PM20D2: variants seen among roughly 807,000 people sequenced by gnomAD.
The protein encoded by PM20D2 is xaa-Arg dipeptidase.
Under a neutral mutation model 42.9 loss-of-function variants are expected in PM20D2, and 33 were observed. That is an observed-to-expected ratio of 0.77 (90% CI 0.58 to 1.03). The LOEUF (loss-of-function observed/expected upper bound fraction) is 1.03. PM20D2 is among the 50% of genes least tolerant of loss of function. The probability of loss-of-function intolerance (pLI) is 0.00; values close to 1 mark genes in which losing one functional copy is unlikely to be tolerated. For missense variants in PM20D2, 548 were observed against 557.0 expected, an observed-to-expected ratio of 0.98 and a Z score of 0.16; for synonymous variants, 250 against 228.2, an observed-to-expected ratio of 1.10 and a Z score of -0.86.
chr6:89,160,541 T>C (rs536337106), intron 5 of PM20D2, among the ~76,000 whole-genome samples: 5 of 152,334 alleles, frequency 3.3e-5, no homozygotes, highest in Non-Finnish European at 5.9e-5. Context: ...TAAATATCCA[T>C]TGAGTGAACA....
At chr6:89,127,245 G>A in the PM20D2 span, among the ~76,000 whole-genome samples, 10 of 152,026 alleles carry the variant, frequency 6.6e-5, no homozygotes, top group Non-Finnish European at 1.0e-4. Context: ...CCAGGCAATG[G>A]CCATAAATGA....
At chr6:89,098,277 T>C in the PM20D2 span, 2 of 252,376 alleles carry the variant, frequency 7.9e-6, no homozygotes, top group South Asian at 6.1e-5. Flanking sequence ...ACTATGCAAG[T>C]AGAATTTTAA....
At chr6:89,157,735 T>C (rs948335518) in intron 4 of PM20D2, among the ~76,000 whole-genome samples, 6 of 152,228 alleles carry the variant, frequency 3.9e-5, no homozygotes, top group Non-Finnish European at 5.9e-5. Context: ...CTGGGTGCAG[T>C]GGCTCATGCC....
chr6:89,156,912 A>G (rs982947203), intron 4 of PM20D2, among the ~76,000 whole-genome samples: 2 of 152,204 alleles, frequency 1.3e-5, no homozygotes, highest in African/African-American at 4.8e-5. Flanking sequence ...TGAAATGTCC[A>G]TAGCTGAGGG....
chr6:89,154,577 A>G (rs1460758497), intron 3 of PM20D2, among the ~76,000 whole-genome samples, 171 bp from the exon 4 acceptor site: 1 of 152,228 alleles, frequency 6.6e-6, no homozygotes. Context: ...CCCTATGTAA[A>G]GAAATTTCAG....
the PM20D2 span, among the ~76,000 whole-genome samples, chr6:89,116,928 TC>T: frequency 2.0e-5 from 3 of 152,142 alleles, no homozygotes; most frequent in African/African-American, 7.2e-5. Context: ...ACTCTTAGTT[TC>T]CGCTCTCCCT....
the PM20D2 span, chr6:89,107,218 T>C: frequency 1.9e-6 from 3 of 1,613,932 alleles, no homozygotes; most frequent in African/African-American, 2.7e-5. Context: ...ACGTCTACTA[T>C]AGGGCCATAT....
chr6:89,101,924 G>A, the PM20D2 span, among the ~76,000 whole-genome samples: 1 of 150,612 alleles, frequency 6.6e-6, no homozygotes, highest in African/African-American at 2.4e-5. Flanking sequence ...TCAGACAAAA[G>A]CTGAGATAAT....
upstream of PM20D2, among the ~76,000 whole-genome samples, chr6:89,145,768 TG>T (rs1170695303): frequency 6.6e-6 from 1 of 152,232 alleles, no homozygotes; most frequent in Non-Finnish European, 1.5e-5. Flanking sequence ...CTGTCTCTGA[TG>T]GCTATTAACT....
intron 2 of PM20D2, among the ~76,000 whole-genome samples, chr6:89,152,205 C>T (rs1256492068): frequency 6.6e-6 from 1 of 152,070 alleles, no homozygotes; most frequent in African/African-American, 2.4e-5. Context: ...TGATTTTTGT[C>T]CTGCTAATAG....
the PM20D2 span, among the ~76,000 whole-genome samples, chr6:89,112,053 G>A: frequency 6.6e-6 from 1 of 152,086 alleles, no homozygotes; most frequent in Non-Finnish European, 1.5e-5. Context: ...TGTTGCCCAG[G>A]CTGGAGTGCA....
chr6:89,125,783 C>CAA, the PM20D2 span, among the ~76,000 whole-genome samples: 188 of 143,326 alleles, frequency 1.3e-3, no homozygotes, highest in Middle Eastern at 0.011. Flanking sequence ...AACTCTGTCT[C>CAA]AAAAAAAAAA....
At chr6:89,159,392 G>A (rs1039337667) in intron 5 of PM20D2, among the ~76,000 whole-genome samples, 1 of 152,184 alleles carries the variant, frequency 6.6e-6, no homozygotes. Flanking sequence ...ATCATGTCAA[G>A]TGCTGTAGAG....
At chr6:89,159,777 A>G (rs1440104208) in intron 5 of PM20D2, among the ~76,000 whole-genome samples, 1 of 152,108 alleles carries the variant, frequency 6.6e-6, no homozygotes, top group Admixed American at 6.5e-5. Context: ...ATTGAGAGAG[A>G]ATTGCCACTG....
At chr6:89,116,063 G>A in the PM20D2 span, among the ~76,000 whole-genome samples, 1,204 of 152,292 alleles carry the variant, frequency 7.9e-3, 14 homozygotes, top group African/African-American at 0.028. Context: ...ATGTCTACAT[G>A]GCAGCTGTCA....
chr6:89,144,312 G>C (rs1435445818), upstream of PM20D2, among the ~76,000 whole-genome samples: 1 of 152,182 alleles, frequency 6.6e-6, no homozygotes, highest in Non-Finnish European at 1.5e-5. Context: ...TTCTGTTGCT[G>C]TTTATTGATG....
the PM20D2 span, among the ~76,000 whole-genome samples, chr6:89,103,034 G>A: frequency 6.6e-6 from 1 of 152,144 alleles, no homozygotes; most frequent in East Asian, 1.9e-4. Context: ...AGAGTGCTGG[G>A]ATCACAGGTG....
chr6:89,155,577 A>C (rs1308604519), intron 4 of PM20D2, among the ~76,000 whole-genome samples: 1 of 152,032 alleles, frequency 6.6e-6, no homozygotes, highest in Non-Finnish European at 1.5e-5. Flanking sequence ...GGCATGAACC[A>C]CCTCGCCCAG....
At chr6:89,112,610 C>G in the PM20D2 span, among the ~76,000 whole-genome samples, 1 of 151,590 alleles carries the variant, frequency 6.6e-6, no homozygotes, top group Non-Finnish European at 1.5e-5. Context: ...TGAGGCCTTG[C>G]TATGTTGCCC....
Sources: gnomAD v4.1 joint callset for allele counts (sites outside exome capture counted in the v4.1 genomes callset) on GRCh38, gnomAD v4.1.1 for gene constraint, MANE v1.5 for transcripts, NCBI Gene and HGNC (gene_info 2026-07-23, HGNC 2026-07-21) for gene names.